Variants in SYT16 observed in about 807,000 individuals in gnomAD.
SYT16 encodes the protein synaptotagmin-16.
Under a neutral mutation model 61.4 loss-of-function variants are expected in SYT16, and 42 were observed. The observed-to-expected ratio is 0.68, with a 90% CI of 0.53 to 0.89. SYT16 has a LOEUF of 0.89. Ranked by LOEUF, SYT16 falls within the 40% of genes least tolerant of loss-of-function variation. SYT16 has a pLI of 0.00. For missense variants in SYT16, 804 were observed against 807.3 expected (o/e 1.00, Z 0.05); for synonymous variants, 314 against 302.3 (o/e 1.04, Z -0.40).
At chr14:62,090,886 C>T (rs573007887) in intron 7 of SYT16, among the ~76,000 whole-genome samples, 66 of 152,238 alleles carry the variant, frequency 4.3e-4, no homozygotes, top group African/African-American at 1.6e-3. Flanking sequence ...TGGTGGCATA[C>T]AAGAGAGAAC....
At chr14:62,112,599 G>C (rs1403230395), downstream of SYT16, 1 of 152,056 alleles carries the variant, frequency 6.6e-6, no homozygotes, top group Non-Finnish European at 1.5e-5. Flanking sequence ...CAGTTTTGCA[G>C]CATCAACATG....
At position 61,980,041 on chromosome 14, in the gene SYT16, T is replaced by G. The variant is rs572119475; in HGVS notation, c.-145+9730T>G. 1.3e-4 allele frequency among the ~76,000 whole-genome samples: 20 copies of G among 152,332 alleles called. 1 individual carries two copies. On this transcript the variant is annotated intron_variant, in intron 2 of 7. Coordinates refer to ENST00000683842, the MANE Select transcript of SYT16 (RefSeq NM_001367656.1). ...CTACATTCCCCAAGCCCTCCACTTTTATAGTTTTTTGTCCTGAAATAATAG... is the reference window on the plus strand; with the variant it reads ...CTACATTCCCCAAGCCCTCCACTTTGATAGTTTTTTGTCCTGAAATAATAG...
intron 3 of SYT16, among the ~76,000 whole-genome samples, chr14:62,000,584 C>A (rs1253483288): frequency 6.6e-6 from 1 of 151,916 alleles, no homozygotes; most frequent in African/African-American, 2.4e-5. Flanking sequence ...TGTCTTCTTG[C>A]TAGATTGATT....
chr14:61,858,629 G>A (rs1013309160), intron 1 of SYT16, among the ~76,000 whole-genome samples: 4 of 152,044 alleles, frequency 2.6e-5, no homozygotes, highest in East Asian at 1.9e-4. Context: ...GGCATAAGTC[G>A]CACCAAGGAA....
At chr14:61,848,720 G>A (rs1217512476) in intron 1 of SYT16, among the ~76,000 whole-genome samples, 2 of 152,184 alleles carry the variant, frequency 1.3e-5, no homozygotes, top group African/African-American at 2.4e-5. Context: ...GACAGAGCCT[G>A]GAGTCAGAAA....
At chr14:62,021,621 A>C (rs1438291474) in intron 3 of SYT16, among the ~76,000 whole-genome samples, 1 of 151,998 alleles carries the variant, frequency 6.6e-6, no homozygotes, top group African/African-American at 2.4e-5. Flanking sequence ...GAATCTGTGT[A>C]GATTTAGTGC....
intron 3 of SYT16, among the ~76,000 whole-genome samples, chr14:62,025,293 A>T (rs962405552): frequency 4.6e-5 from 7 of 152,136 alleles, no homozygotes; most frequent in African/African-American, 1.7e-4. Flanking sequence ...ACCATTTCTA[A>T]TAAGTATGTA....
intron 7 of SYT16, among the ~76,000 whole-genome samples, chr14:62,086,313 T>C (rs1217412292): frequency 6.6e-6 from 1 of 151,974 alleles, no homozygotes; most frequent in Admixed American, 6.6e-5. Context: ...ACCCCAGCTC[T>C]ACAGAAAATA....
intron 1 of SYT16, among the ~76,000 whole-genome samples, chr14:61,910,383 C>T (rs217633): frequency 0.91 from 138,050 of 151,828 alleles, 62,888 homozygotes; most frequent in East Asian, 0.98. Context: ...AGATTACAGG[C>T]GCCAGCCACC....
intron 3 of SYT16, among the ~76,000 whole-genome samples, chr14:62,030,327 A>T (rs1043613216): frequency 1.3e-5 from 2 of 152,136 alleles, no homozygotes; most frequent in Non-Finnish European, 2.9e-5. Context: ...ATTAGTTTTG[A>T]AAGTGTTTTA....
At chr14:62,030,942 A>G (rs1036617796) in intron 3 of SYT16, among the ~76,000 whole-genome samples, 2 of 152,202 alleles carry the variant, frequency 1.3e-5, no homozygotes, top group African/African-American at 2.4e-5. Context: ...ATTGAAGCCT[A>G]GGCTACTTTG....
chr14:61,952,443 C>G (rs995798857), intron 1 of SYT16, among the ~76,000 whole-genome samples: 1 of 152,162 alleles, frequency 6.6e-6, no homozygotes, highest in East Asian at 1.9e-4. Flanking sequence ...TCATTAAATG[C>G]TGCTTCTGAG....
chr14:62,085,380 G>A (rs2056851186), intron 7 of SYT16, among the ~76,000 whole-genome samples: 1 of 152,170 alleles, frequency 6.6e-6, no homozygotes, highest in Non-Finnish European at 1.5e-5. Flanking sequence ...TGAATTTCTA[G>A]TCTTTTGAGT....
At chr14:61,817,458 T>C (rs1482331797) in intron 1 of SYT16, among the ~76,000 whole-genome samples, 1 of 150,576 alleles carries the variant, frequency 6.6e-6, no homozygotes, top group Non-Finnish European at 1.5e-5. Flanking sequence ...CAAACTGATA[T>C]CCTGTACTTC....
chr14:61,902,554 A>G (rs1031809451), intron 1 of SYT16, among the ~76,000 whole-genome samples: 8 of 152,218 alleles, frequency 5.3e-5, no homozygotes, highest in Non-Finnish European at 1.0e-4. Context: ...AGCAATAGCA[A>G]TTTATTTTCT....
rs185463342 is a variant in SYT16, at chr14:62,007,662, A to T, written c.523+11120A>T. 2.7e-3 allele frequency among the ~76,000 whole-genome samples: 406 copies of T among 152,290 alleles called. 1 individual carries two copies. Among genetic ancestry groups the T allele is most frequent in the African/African-American group, 9.5e-3 (397 of 41,588 alleles). On this transcript the variant is annotated intron_variant, in intron 3 of 7. Transcript: ENST00000683842. Reference sequence around the variant, plus strand: ...TATGTGGACAGAAGTTAGAATATGTAAGATACAAATGATCAGACAATTCAA... The same window carrying T: ...TATGTGGACAGAAGTTAGAATATGTTAGATACAAATGATCAGACAATTCAA...
intron 7 of SYT16, among the ~76,000 whole-genome samples, chr14:62,098,320 A>G (rs1022213726): frequency 2.0e-5 from 3 of 152,246 alleles, no homozygotes; most frequent in African/African-American, 7.2e-5. Context: ...ACACCCTAAC[A>G]TTTTGAGTTT....
chr14:61,926,071 C>G (rs2049523602), intron 1 of SYT16, among the ~76,000 whole-genome samples: 2 of 152,044 alleles, frequency 1.3e-5, no homozygotes, highest in Admixed American at 1.3e-4. Context: ...AAATGGTCAC[C>G]AGGAATGGTG....
chr14:61,817,152 C>A (rs1472895507), intron 1 of SYT16, among the ~76,000 whole-genome samples: 3 of 151,940 alleles, frequency 2.0e-5, no homozygotes, highest in Non-Finnish European at 4.4e-5. Flanking sequence ...TGCGGTGGCT[C>A]ATGCCTGTAA....
Sources: allele counts gnomAD v4.1 joint callset (sites outside exome capture counted in the v4.1 genomes callset), GRCh38; gene constraint gnomAD v4.1.1; transcripts MANE v1.5; gene names NCBI Gene and HGNC (gene_info 2026-07-23, HGNC 2026-07-21).